RANBP2: variants seen among roughly 807,000 people sequenced by gnomAD.
The protein encoded by RANBP2 is E3 SUMO-protein ligase RanBP2.
Under a neutral mutation model 303.6 loss-of-function variants are expected in RANBP2, and 57 were observed. The observed-to-expected ratio is 0.19, with a 90% confidence interval of 0.15 to 0.23. RANBP2 has a LOEUF of 0.23. Among genes scored for constraint, RANBP2 ranks in the 10% least tolerant of loss-of-function variants. The pLI is 1.00. For missense variants in RANBP2, 3,138 were observed against 3,780.8 expected (o/e 0.83, Z 4.46); for synonymous variants, 1,167 against 1,301.5 (o/e 0.90, Z 2.23).
chr2:109,242,483 A>G, the RANBP2 span, among the ~76,000 whole-genome samples: 1 of 152,158 alleles, frequency 6.6e-6, no homozygotes, highest in Non-Finnish European at 1.5e-5. Context: ...GAGCCGCCCC[A>G]GTGACACAGG....
At chr2:109,571,657 T>C in the RANBP2 span, among the ~76,000 whole-genome samples, 1 of 152,230 alleles carries the variant, frequency 6.6e-6, no homozygotes, top group Non-Finnish European at 1.5e-5. Flanking sequence ...AGTTTTGCAC[T>C]GCAAGACTGT....
At chr2:108,732,165 ATCCCCAT>A (rs1695215693) in intron 4 of RANBP2, among the ~76,000 whole-genome samples, 1 of 152,178 alleles carries the variant, frequency 6.6e-6, no homozygotes, top group South Asian at 2.1e-4. Flanking sequence ...GCCTCCTTCT[ATCCCCAT>A]TATATATGTT....
At position 108,765,800 on chromosome 2, in the gene RANBP2, A is replaced by G. The variant is rs1238147510; in HGVS notation, c.5261A>G (p.Asn1754Ser). The change falls in exon 20 of 29, where the codon AAT becomes AGT. Residue 1754 changes from asparagine to serine, a missense_variant. By Grantham distance (46) the Asn-to-Ser change is conservative (BLOSUM62 1). Around this residue, in one of 20 missense-constraint regions of RANBP2, gnomAD observed 348 missense variants for 360.4 expected, o/e 0.97. Coordinates refer to ENST00000283195, the MANE Select transcript of RANBP2 (RefSeq NM_006267.5). The part of the protein sequence containing the change: ...CIACQCPSKQ[N>S]QTTAISTPAS... ...GCTTGTCAGTGTCCAAGTAAACAAA[A>G]TCAAACAACTGCAATTTCAACACCT... 7 of 1,614,034 alleles carry G rather than the reference A, an allele frequency of 4.3e-6. No homozygotes were observed. Among genetic ancestry groups the G allele is most frequent in the African/African-American group, 4.0e-5 (3 of 74,918 alleles).
At chr2:109,077,528 A>C in the RANBP2 span, among the ~76,000 whole-genome samples, 1 of 125,822 alleles carries the variant, frequency 7.9e-6, no homozygotes, top group Middle Eastern at 3.9e-3. Flanking sequence ...AAAGCAACCA[A>C]CAGAATGGGA....
the RANBP2 span, among the ~76,000 whole-genome samples, chr2:109,267,446 G>A: frequency 3.3e-5 from 5 of 152,212 alleles, no homozygotes; most frequent in Non-Finnish European, 5.9e-5. Context: ...GAGGAAGCCT[G>A]GCTCCCGGGC....
chr2:109,079,766 G>A, the RANBP2 span, among the ~76,000 whole-genome samples: 71 of 152,306 alleles, frequency 4.7e-4, no homozygotes, highest in African/African-American at 1.4e-3. Flanking sequence ...GGGTTGGGGA[G>A]GCTCCCTGGG....
At chr2:109,503,976 A>C in the RANBP2 span, 1 of 152,192 alleles carries the variant, frequency 6.6e-6, no homozygotes, top group Non-Finnish European at 1.5e-5. Flanking sequence ...GTGCCACCTT[A>C]GGAAGGAGAG....
chr2:109,659,067 C>T, the RANBP2 span, among the ~76,000 whole-genome samples: 5,282 of 141,044 alleles, frequency 0.037, 148 homozygotes, highest in Non-Finnish European at 0.051. Context: ...TCCGCCCCCC[C>T]GCCAAAAAAT....
chr2:108,788,526 G>A (rs1264818032), downstream of RANBP2, among the ~76,000 whole-genome samples: 1 of 151,938 alleles, frequency 6.6e-6, no homozygotes, highest in Non-Finnish European at 1.5e-5. Context: ...GACCATCCTA[G>A]CTAACACGGT....
chr2:109,727,100 G>A, the RANBP2 span, among the ~76,000 whole-genome samples: 1 of 152,178 alleles, frequency 6.6e-6, no homozygotes, highest in Admixed American at 6.5e-5. Context: ...TCACCTTCAC[G>A]GTTTCTGCTC....
At chr2:109,453,668 A>G in the RANBP2 span, among the ~76,000 whole-genome samples, 1 of 152,236 alleles carries the variant, frequency 6.6e-6, no homozygotes, top group Non-Finnish European at 1.5e-5. Context: ...GAGCGCAGGC[A>G]CACGGTTCAT....
chr2:109,173,130 A>T, the RANBP2 span, among the ~76,000 whole-genome samples: 1 of 152,222 alleles, frequency 6.6e-6, no homozygotes, highest in Non-Finnish European at 1.5e-5. Flanking sequence ...TTTAACTCAA[A>T]TTTTAAAAAT....
the RANBP2 span, among the ~76,000 whole-genome samples, chr2:109,654,968 T>C: frequency 6.6e-6 from 1 of 151,848 alleles, no homozygotes; most frequent in Non-Finnish European, 1.5e-5. Flanking sequence ...AGTGGCGTGA[T>C]CTCGGCTCAT....
the RANBP2 span, among the ~76,000 whole-genome samples, chr2:109,435,151 C>T: frequency 6.6e-6 from 1 of 152,196 alleles, no homozygotes; most frequent in South Asian, 2.1e-4. Flanking sequence ...GTGTCCTCTC[C>T]GGTTCCTTAG....
the RANBP2 span, among the ~76,000 whole-genome samples, chr2:109,597,966 G>A: frequency 6.6e-6 from 1 of 152,152 alleles, no homozygotes; most frequent in Non-Finnish European, 1.5e-5. Context: ...TCCTTACCCT[G>A]CTGGGAAACA....
chr2:109,366,526 A>T, the RANBP2 span, among the ~76,000 whole-genome samples: 3 of 152,206 alleles, frequency 2.0e-5, no homozygotes, highest in South Asian at 6.2e-4. Flanking sequence ...ACTTGAGGAG[A>T]ATATCTCTGT....
Position 108,765,071 on chromosome 2 carries a change from C to A in RANBP2, c.4532C>A (p.Pro1511His). 1 of 1,613,952 alleles carries A rather than the reference C, an allele frequency of 6.2e-7. No individual in the cohort carries two copies. Among genetic ancestry groups the A allele is most frequent in the Non-Finnish European group, 8.5e-7 (1 of 1,179,966 alleles). Reference protein sequence around the residue: ...ACQNPRKQSLPATSIPTPASF... With the variant: ...ACQNPRKQSLHATSIPTPASF... ...CAGAATCCGAGAAAACAGAGTCTAC[C>A]TGCTACTTCTATTCCAACACCTGCC... The change falls in exon 20 of 29, where the codon CCT (proline) becomes CAT (histidine). Residue 1511 changes from proline to histidine, a missense_variant. Around this residue, in one of 20 missense-constraint regions of RANBP2, gnomAD observed 388 missense variants for 328.5 expected, o/e 1.18. Transcript: ENST00000283195.
the RANBP2 span, among the ~76,000 whole-genome samples, chr2:109,346,022 C>T: frequency 8.2e-4 from 125 of 152,358 alleles, no homozygotes; most frequent in African/African-American, 2.9e-3. Flanking sequence ...TGGAATTATT[C>T]TGATGGCCTG....
At chr2:109,167,539 T>C in the RANBP2 span, among the ~76,000 whole-genome samples, 2 of 152,192 alleles carry the variant, frequency 1.3e-5, no homozygotes, top group Admixed American at 1.3e-4. Flanking sequence ...TGGTATTGTT[T>C]AGTGTCTGAA....
Sources: allele counts gnomAD v4.1 joint callset (sites outside exome capture counted in the v4.1 genomes callset), GRCh38; gene constraint gnomAD v4.1.1; regional missense constraint gnomAD v4.1.1; transcripts MANE v1.5; gene names NCBI Gene and HGNC (gene_info 2026-07-23, HGNC 2026-07-21).